The following AK7 variants were observed in gnomAD, a reference collection of about 807,000 sequenced individuals.
The protein encoded by AK7 is adenylate kinase 7, also known as ATP-AMP transphosphorylase 7.
AK7 carries 78 observed loss-of-function variants against 96.6 expected under a neutral mutation model. The ratio of observed to expected loss-of-function variants is 0.81; its 90% CI spans 0.67 to 0.97. AK7 has a LOEUF of 0.97. Among genes scored for constraint, AK7 ranks in the 50% least tolerant of loss-of-function variants. AK7 has a pLI of 0.00. For missense variants in AK7, 855 were observed against 887.9 expected (o/e 0.96, Z 0.47); for synonymous variants, 302 against 317.2 (o/e 0.95, Z 0.51).
At chr14:96,396,091 T>G (rs1890068111) in intron 1 of AK7, among the ~76,000 whole-genome samples, 1 of 152,194 alleles carries the variant, frequency 6.6e-6, no homozygotes, top group Non-Finnish European at 1.5e-5. Context: ...TTATTTTTTA[T>G]AACAATATTT....
chr14:96,396,910 T>C (rs980310765), intron 1 of AK7, among the ~76,000 whole-genome samples: 1 of 152,120 alleles, frequency 6.6e-6, no homozygotes, highest in African/African-American at 2.4e-5. Context: ...ACAACAGCAA[T>C]ACCCCATTTC....
chr14:96,457,821 C>T (rs1251400485), intron 11 of AK7, among the ~76,000 whole-genome samples: 1 of 152,188 alleles, frequency 6.6e-6, no homozygotes, highest in African/African-American at 2.4e-5. Flanking sequence ...CTTAGAATAA[C>T]ACATTAGAAA....
intron 5 of AK7, among the ~76,000 whole-genome samples, chr14:96,422,157 G>T (rs1287356157): frequency 6.6e-6 from 1 of 152,200 alleles, no homozygotes; most frequent in Admixed American, 6.5e-5. Flanking sequence ...ATTATGAGGT[G>T]AGATGGTCAC....
At chr14:96,431,493 A>C (rs1211934376) in intron 5 of AK7, among the ~76,000 whole-genome samples, 1 of 152,122 alleles carries the variant, frequency 6.6e-6, no homozygotes, top group African/African-American at 2.4e-5. Flanking sequence ...GAACATCTTT[A>C]TTTATGCCTT....
At chr14:96,439,613 G>A (rs1255316051) in intron 6 of AK7, among the ~76,000 whole-genome samples, 2 of 143,830 alleles carry the variant, frequency 1.4e-5, no homozygotes, top group South Asian at 2.2e-4. Context: ...GCAGTGAGCC[G>A]AAATTGCACC....
intron 12 of AK7, among the ~76,000 whole-genome samples, chr14:96,464,080 G>T (rs1226548935): frequency 3.9e-5 from 6 of 152,112 alleles, no homozygotes; most frequent in African/African-American, 7.2e-5. Context: ...GTGAAGTTAA[G>T]ATAGTTTATT....
At chr14:96,477,753 G>T (rs1465974878) in intron 14 of AK7, among the ~76,000 whole-genome samples, 2 of 152,218 alleles carry the variant, frequency 1.3e-5, no homozygotes, top group South Asian at 2.1e-4. Context: ...CATAGCCAAT[G>T]GCATTGATGA....
chr14:96,448,630 TAA>T (rs71103528), intron 8 of AK7, among the ~76,000 whole-genome samples: 49 of 74,860 alleles, frequency 6.5e-4, no homozygotes, highest in African/African-American at 1.8e-3. Flanking sequence ...ACCCTATCTC[TAA>T]AAAAAAAAAA....
At chr14:96,395,759 A>G (rs1036561441) in intron 1 of AK7, among the ~76,000 whole-genome samples, 58 of 102,640 alleles carry the variant, frequency 5.7e-4, no homozygotes, top group Middle Eastern at 6.2e-3. Flanking sequence ...GAGGGAAGGG[A>G]GTTTATCTCC....
chr14:96,484,183 C>A (rs552387425), intron 16 of AK7, among the ~76,000 whole-genome samples: 6 of 152,224 alleles, frequency 3.9e-5, no homozygotes, highest in African/African-American at 1.2e-4. Flanking sequence ...CTGAGGCTGC[C>A]ATGAGCTATG....
chr14:96,480,089 A>G (rs1416625022), intron 15 of AK7, among the ~76,000 whole-genome samples: 2 of 152,206 alleles, frequency 1.3e-5, no homozygotes, highest in Admixed American at 6.5e-5. Context: ...ACAAGTGGTC[A>G]TTTTGTTATT....
At chr14:96,401,447 G>T (rs189830031) in intron 2 of AK7, among the ~76,000 whole-genome samples, 1 of 152,172 alleles carries the variant, frequency 6.6e-6, no homozygotes, top group African/African-American at 2.4e-5. Flanking sequence ...AGATGGTGGG[G>T]CTGAGGCTGG....
Position 96,449,896 on chromosome 14 carries a change from T to TG in AK7, c.948+17_948+18insG, listed in dbSNP as rs1555382879. ...GACTTAACGGTTAGTATATGCGGTG[T>TG]TTTTTTTTTTTTAACTATCTTTCTC... On this transcript the variant is annotated intron_variant, in intron 9 of 17. Coordinates refer to ENST00000267584, the MANE Select transcript of AK7 (RefSeq NM_152327.5). 3 of 1,087,684 alleles carry TG rather than the reference T, an allele frequency of 2.8e-6. No individual in the cohort carries two copies. Among genetic ancestry groups the TG allele is most frequent in the Non-Finnish European group, 3.6e-6 (3 of 833,132 alleles). The allele number at this position is 1,087,684 out of a possible 1,614,324, so 67.4% of individuals were successfully genotyped here. A position where few individuals can be genotyped will look rare whatever the true frequency, so the allele number is the denominator to read the frequency against.
At chr14:96,488,276 CT>C in intron 17 of AK7, 28 bp from the exon 18 acceptor site, 1 of 1,592,834 alleles carries the variant, frequency 6.3e-7, no homozygotes, top group South Asian at 1.1e-5. Flanking sequence ...AACTTGTAAA[CT>C]GTTGACTTGT....
intron 2 of AK7, 143 bp downstream of exon 2, chr14:96,398,406 G>A (rs1298115572): frequency 2.4e-6 from 2 of 818,004 alleles, no homozygotes; most frequent in African/African-American, 3.5e-5. Flanking sequence ...GCTTTCTCCT[G>A]TAATGGAGAT....
At position 96,393,966 on chromosome 14, in the gene AK7, G is replaced by A. The variant is rs533476810; in HGVS notation, c.105+1707G>A. Reference sequence around the variant, plus strand: ...TCTACTAAAAGTACAAAAATTAACCGGGCGTGGTGGCAGGCGCCTATAATC... The same window carrying A: ...TCTACTAAAAGTACAAAAATTAACCAGGCGTGGTGGCAGGCGCCTATAATC... On this transcript the variant is annotated intron_variant, in intron 1 of 17. Transcript: ENST00000267584. Among the ~76,000 whole-genome samples the A allele has an allele frequency of 4.6e-5, 7 of 152,070 alleles. No homozygotes were observed. The South Asian group carries it at 6.2e-4, about 14-fold the overall frequency.
chr14:96,461,199 C>T (rs1406611160), intron 12 of AK7, among the ~76,000 whole-genome samples: 1 of 152,156 alleles, frequency 6.6e-6, no homozygotes, highest in African/African-American at 2.4e-5. Flanking sequence ...CACAGTGGCT[C>T]ATGCTATATT....
chr14:96,426,981 C>T (rs558142524), intron 5 of AK7, among the ~76,000 whole-genome samples: 8 of 152,326 alleles, frequency 5.3e-5, no homozygotes, highest in African/African-American at 9.6e-5. Flanking sequence ...TGTGGTGGCT[C>T]ACGCCTGTAA....
intron 12 of AK7, 146 bp from the exon 13 acceptor site, chr14:96,471,332 T>TA: frequency 3.8e-5 from 15 of 396,192 alleles, no homozygotes; most frequent in East Asian, 9.1e-5. Context: ...CCCCGTCTCT[T>TA]TAAAAAAAAA....
Sources: gnomAD v4.1 joint callset for allele counts (sites outside exome capture counted in the v4.1 genomes callset) on GRCh38, gnomAD v4.1.1 for gene constraint, MANE v1.5 for transcripts, NCBI Gene and HGNC (gene_info 2026-07-23, HGNC 2026-07-21) for gene names.